Variants in LAMB3 observed in about 807,000 individuals in gnomAD.
The protein encoded by LAMB3 is laminin subunit beta 3.
Under a neutral mutation model 140.3 loss-of-function variants are expected in LAMB3, and 104 were observed. The observed-to-expected ratio is 0.74, with a 90% CI of 0.63 to 0.87. The LOEUF (loss-of-function observed/expected upper bound fraction) is 0.87. Among genes scored for constraint, LAMB3 ranks in the 40% least tolerant of loss-of-function variants. The pLI is 0.00. For synonymous variants in LAMB3, 592 were observed against 602.9 expected, an observed-to-expected ratio of 0.98 and a Z score of 0.26; for missense variants, 1,531 against 1,575.2, an observed-to-expected ratio of 0.97 and a Z score of 0.47.
At chr1:209,630,481 G>T in intron 9 of LAMB3, 134 bp downstream of exon 9, 1 of 1,028,422 alleles carries the variant, frequency 9.7e-7, no homozygotes, top group Non-Finnish European at 1.5e-6. Flanking sequence ...AGCTTGAATT[G>T]TAATGGTGCA....
chr1:209,624,344 A>C (rs1259216006), intron 14 of LAMB3, among the ~76,000 whole-genome samples: 3 of 152,056 alleles, frequency 2.0e-5, no homozygotes, highest in Non-Finnish European at 2.9e-5. Context: ...GGCTTCAGCT[A>C]CCATCTGTAC....
chr1:209,618,622 G>C lies in LAMB3; in HGVS notation c.2739C>G (p.Ser913Arg). The change falls in exon 19 of 23, where the codon AGC becomes AGG. Residue 913 changes from serine (S) to arginine (R), a missense_variant. Ser to Arg is a moderately radical substitution (Grantham distance 110). Transcript: ENST00000356082. The part of the protein sequence containing the change: ...DTDAATIQEV[S>R]EAVLALWLPT... ...GCAGCCACAGGGCCAGCACGGCCTC[G>C]CTGACCTCCTGGATAGTGGCTGCAT... 1 of 1,614,108 alleles carries C rather than the reference G, an allele frequency of 6.2e-7. No homozygotes were observed. Among genetic ancestry groups the C allele is most frequent in the Non-Finnish European group, 8.5e-7 (1 of 1,180,034 alleles).
intron 9 of LAMB3, 90 bp from the exon 10 acceptor site, chr1:209,630,015 C>G: frequency 8.0e-7 from 1 of 1,245,236 alleles, no homozygotes; most frequent in South Asian, 1.2e-5. Context: ...GCATCTGTAA[C>G]AACTCTGCAA....
rs770154224 is a variant in LAMB3, at chr1:209,627,582, G to A, written c.1289-3C>T. On this transcript the variant is annotated splice_polypyrimidine_tract_variant and splice_region_variant and intron_variant, in intron 11 of 22. Coordinates refer to ENST00000356082, the MANE Select transcript of LAMB3 (RefSeq NM_000228.3). Reference sequence around the variant, plus strand: ...CCCCAGGATGTTGCAGTCACAGCCTGCAGGAGGAGAGCTGCTGAGCTCAGG... The same window carrying A: ...CCCCAGGATGTTGCAGTCACAGCCTACAGGAGGAGAGCTGCTGAGCTCAGG... 5.6e-6 allele frequency: 9 copies of A among 1,613,856 alleles called. No individual in the cohort carries two copies. Among genetic ancestry groups the A allele is most frequent in the Admixed American group, 1.7e-5 (1 of 60,034 alleles).
At chr1:209,640,960 G>A (rs113404426) in intron 3 of LAMB3, among the ~76,000 whole-genome samples, 1,779 of 151,968 alleles carry the variant, frequency 0.012, 36 homozygotes, top group African/African-American at 0.041. Flanking sequence ...GCGGGCCCCT[G>A]TAGTCCCAGC....
intron 1 of LAMB3, chr1:209,651,394 G>T: frequency 4.6e-6 from 1 of 215,208 alleles, no homozygotes; most frequent in Non-Finnish European, 9.7e-6. Context: ...TTTTCTCAGG[G>T]CCTAGACCAG....
At chr1:209,634,678 G>A (rs779111938) in intron 5 of LAMB3, 40 bp from the exon 6 acceptor site, 4 of 1,538,076 alleles carry the variant, frequency 2.6e-6, no homozygotes, top group South Asian at 2.3e-5. Context: ...GAGGCACTGG[G>A]GCTGTGCCCC....
chr1:209,650,804 A>G, intron 2 of LAMB3, 113 bp downstream of exon 2: 1 of 987,858 alleles, frequency 1.0e-6, no homozygotes, highest in Non-Finnish European at 1.6e-6. Context: ...TTCCCAACTG[A>G]AGGGACTACA....
Position 209,623,145 on chromosome 1 carries a change from G to GCC in LAMB3, c.2392_2393insGG (p.Pro798ArgfsTer34). ...ACATAGCTCACCAGGGCATGATATT[G>GCC]GGGTGCAAGCCATCTGCCTGGAGTT... On this transcript the variant is annotated frameshift_variant, in exon 17 of 23. Coordinates refer to ENST00000356082, the MANE Select transcript of LAMB3 (RefSeq NM_000228.3). LOFTEE classifies it high-confidence loss of function. This position sits in a 1 kb window ranked among gnomAD's most constrained non-coding sequence, Gnocchi z 4.2. 6.2e-7 allele frequency: 1 copy of GCC among 1,614,228 alleles called. No homozygotes were observed. The highest frequency in any genetic ancestry group is 8.5e-7 in the Non-Finnish European group (1 of 1,180,052).
intron 9 of LAMB3, 82 bp from the exon 10 acceptor site, chr1:209,630,007 A>G (rs1666622038): frequency 7.5e-7 from 1 of 1,330,226 alleles, no homozygotes; most frequent in Non-Finnish European, 1.1e-6. Flanking sequence ...GCTCACTGGC[A>G]TCTGTAACAA....
chr1:209,622,409 A>G, intron 18 of LAMB3, 127 bp downstream of exon 18: 1 of 1,112,910 alleles, frequency 9.0e-7, no homozygotes, highest in South Asian at 1.3e-5. Context: ...GGTGCCAAGG[A>G]GAAGTGGAGG....
rs12033066 is a variant in LAMB3, at chr1:209,614,979, G to A, written c.*292C>T. The A allele has an allele frequency of 1.3e-5, 5 of 397,076 alleles. No individual in the cohort carries two copies. In the East Asian group the frequency reaches 2.2e-4, roughly 17 times the overall value. 24.6% of individuals were successfully genotyped at this position (397,076 alleles called of 1,614,324 possible). ...GCTTGGTCCAGGATTCCTCCCCAGT[G>A]GAGAACTAAAGGCGGGGGATACTGC... On this transcript the variant is annotated 3_prime_UTR_variant, in exon 23 of 23. Transcript: ENST00000356082.
intron 4 of LAMB3, 47 bp downstream of exon 4, chr1:209,638,487 C>G: frequency 8.0e-7 from 1 of 1,251,214 alleles, no homozygotes; most frequent in Non-Finnish European, 1.2e-6. Context: ...CCGTCTTATC[C>G]TGTGGAGGCT....
chr1:209,634,920 TCTCTC>T (rs1666841621), intron 5 of LAMB3, among the ~76,000 whole-genome samples: 4 of 3,590 alleles, frequency 1.1e-3, no homozygotes, highest in African/African-American at 2.7e-3. Context: ...TTTTTTATTC[TCTCTC>T]TCTCTCTCTC....
At chr1:209,617,730 T>C in intron 20 of LAMB3, 144 bp from the exon 21 acceptor site, 1 of 1,238,758 alleles carries the variant, frequency 8.1e-7, no homozygotes, top group Non-Finnish European at 1.2e-6. Context: ...CCCCTCCTTC[T>C]GCATCCCAGC....
At chr1:209,645,415 AC>A (rs1239790346) in intron 3 of LAMB3, among the ~76,000 whole-genome samples, 1 of 152,168 alleles carries the variant, frequency 6.6e-6, no homozygotes, top group East Asian at 1.9e-4. Flanking sequence ...CTTCTGGGAA[AC>A]AAAAAAGCAG....
chr1:209,625,792 G>C lies in LAMB3; in HGVS notation c.1832C>G (p.Ser611Ter). Residue 611 changes from serine (S) to a stop codon, truncating the protein, a stop_gained, in exon 14 of 23, where the codon TCA becomes TGA. Transcript: ENST00000356082. LOFTEE classifies it high-confidence loss of function. The part of the protein sequence containing the change: ...RLRNATASLW[S>*]GPGLEDRGLA... ...GCCACGGTCCTCCAGCCCAGGCCCT[G>C]ACCACAGGCTGGCGGTGGCATTGCG... is the stretch of plus-strand genomic sequence containing the variant. 1 of 1,614,150 alleles carries C rather than the reference G, an allele frequency of 6.2e-7. No homozygotes were observed. Among genetic ancestry groups the C allele is most frequent in the Non-Finnish European group, 8.5e-7 (1 of 1,180,034 alleles).
chr1:209,627,555 G>C lies in LAMB3; in HGVS notation c.1313C>G (p.Ser438Cys). 1 of 1,614,056 alleles carries C rather than the reference G, an allele frequency of 6.2e-7. No individual in the cohort carries two copies. The highest frequency in any genetic ancestry group is 8.5e-7 in the Non-Finnish European group (1 of 1,180,024). The change falls in exon 12 of 23, where the codon TCC becomes TGC. Residue 438 changes from serine to cysteine, a missense_variant. Ser to Cys is a moderately radical substitution (Grantham distance 112, BLOSUM62 -1). Coordinates refer to ENST00000356082, the MANE Select transcript of LAMB3 (RefSeq NM_000228.3). ...CHRCDCNILGSRRDMPCDEES... is the reference protein window; with the variant it reads ...CHRCDCNILGCRRDMPCDEES... ...CTCGTCACACGGCATGTCCCTCCGG[G>C]ACCCCAGGATGTTGCAGTCACAGCC...
intron 3 of LAMB3, among the ~76,000 whole-genome samples, chr1:209,641,966 A>T (rs1207564085): frequency 6.6e-6 from 1 of 152,126 alleles, no homozygotes; most frequent in East Asian, 1.9e-4. Context: ...GCCGCCTGTC[A>T]CCAGAGCTTT....
Sources: allele counts gnomAD v4.1 joint callset (sites outside exome capture counted in the v4.1 genomes callset), GRCh38; gene constraint gnomAD v4.1.1; non-coding constraint Gnocchi (gnomAD v3.1); transcripts MANE v1.5; gene names NCBI Gene and HGNC (gene_info 2026-07-23, HGNC 2026-07-21).